The following PRKCA variants were observed in gnomAD, a reference collection of about 807,000 sequenced individuals.
The protein encoded by PRKCA is protein kinase C alpha.
A neutral mutation model predicts 87.0 loss-of-function variants in PRKCA; 27 were observed. That is an observed-to-expected ratio of 0.31 (90% CI 0.23 to 0.43). The LOEUF is 0.43. Ranked by LOEUF, PRKCA falls within the 20% of genes least tolerant of loss-of-function variation. The pLI is 1.00. For missense variants in PRKCA, 518 were observed against 852.3 expected (o/e 0.61, Z 4.88); for synonymous variants, 329 against 311.1 (o/e 1.06, Z -0.61).
At chr17:66,548,462 G>A (rs1467559353) in intron 3 of PRKCA, among the ~76,000 whole-genome samples, 1 of 152,120 alleles carries the variant, frequency 6.6e-6, no homozygotes, top group Non-Finnish European at 1.5e-5. Context: ...TAACAAATGA[G>A]GACTTAGCAA....
intron 2 of PRKCA, among the ~76,000 whole-genome samples, chr17:66,319,432 G>A (rs898287493): frequency 2.6e-5 from 4 of 152,090 alleles, no homozygotes; most frequent in African/African-American, 7.2e-5. Context: ...GTTTTATCTC[G>A]AAATTATGAA....
chr17:66,306,296 A>C (rs1055538818), intron 2 of PRKCA, 169 bp downstream of exon 2: 1 of 587,976 alleles, frequency 1.7e-6, no homozygotes, highest in East Asian at 3.0e-5. Flanking sequence ...GGGCCTACTA[A>C]TCTGCATATA....
intron 3 of PRKCA, among the ~76,000 whole-genome samples, chr17:66,524,527 T>C (rs9897534): frequency 0.65 from 98,385 of 152,126 alleles, 32,830 homozygotes; most frequent in African/African-American, 0.81. Flanking sequence ...AGTACTATCT[T>C]AGATGTGAGA....
At chr17:66,325,445 C>T (rs2143243124) in intron 2 of PRKCA, among the ~76,000 whole-genome samples, 1 of 152,220 alleles carries the variant, frequency 6.6e-6, no homozygotes, top group Admixed American at 6.5e-5. Flanking sequence ...ACTCTGTTGC[C>T]TCCCGCCCCA....
intron 16 of PRKCA, among the ~76,000 whole-genome samples, chr17:66,797,879 C>T (rs1598952363): frequency 2.0e-5 from 3 of 152,348 alleles, no homozygotes; most frequent in East Asian, 3.9e-4. Flanking sequence ...CGGCAAAAGG[C>T]GCGGGTGACC....
At chr17:66,669,704 C>T (rs1972125872) in intron 5 of PRKCA, among the ~76,000 whole-genome samples, 1 of 152,122 alleles carries the variant, frequency 6.6e-6, no homozygotes, top group South Asian at 2.1e-4. Context: ...AGTTCAAGAC[C>T]AGCCTGGGCA....
intron 3 of PRKCA, among the ~76,000 whole-genome samples, chr17:66,561,863 G>A (rs923216228): frequency 4.0e-5 from 6 of 151,742 alleles, no homozygotes; most frequent in African/African-American, 7.3e-5. Flanking sequence ...AGAAATCATG[G>A]CAAGTATAAT....
Position 66,613,779 on chromosome 17 carries a change from C to CTTTTTTT in PRKCA, c.289-27556_289-27550dup, listed in dbSNP as rs57610655. On this transcript the variant is annotated intron_variant, in intron 3 of 16. Coordinates refer to ENST00000413366, the MANE Select transcript of PRKCA (RefSeq NM_002737.3). ...CACCTTAATCCAGTATGACTTCATC[C>CTTTTTTT]TTTTTTTTTTTTTTTTTTTTTTTTT... 2.0e-4 allele frequency among the ~76,000 whole-genome samples: 14 copies of CTTTTTTT among 69,386 alleles called. 2 individuals carry two copies. The highest frequency in any genetic ancestry group is 6.1e-4 in the African/African-American group (10 of 16,292). 45.5% of individuals were successfully genotyped at this position (69,386 alleles called of 152,430 possible).
intron 2 of PRKCA, among the ~76,000 whole-genome samples, chr17:66,384,634 CT>C (rs1003762674): frequency 8.7e-4 from 127 of 146,256 alleles, no homozygotes; most frequent in African/African-American, 1.1e-3. Context: ...CCTTAAATGA[CT>C]TTTTTTTTTT....
chr17:66,655,947 G>T (rs909691518), intron 5 of PRKCA, among the ~76,000 whole-genome samples: 1 of 152,152 alleles, frequency 6.6e-6, no homozygotes, highest in African/African-American at 2.4e-5. Context: ...TTTACATTCC[G>T]ACTGTGGTAC....
intron 6 of PRKCA, among the ~76,000 whole-genome samples, 159 bp downstream of exon 6, chr17:66,687,426 C>T (rs1489682221): frequency 1.3e-5 from 2 of 152,106 alleles, no homozygotes; most frequent in East Asian, 3.9e-4. Context: ...GCTATTAGCA[C>T]CTGTTCGATA....
intron 7 of PRKCA, 48 bp from the exon 8 acceptor site, chr17:66,688,903 G>A (rs762040391): frequency 8.1e-7 from 1 of 1,231,306 alleles, no homozygotes; most frequent in Non-Finnish European, 1.2e-6. Context: ...CTGCAGGAAA[G>A]GCTTGTTAAA....
intron 2 of PRKCA, among the ~76,000 whole-genome samples, chr17:66,483,273 T>C (rs1420398352): frequency 2.0e-5 from 3 of 151,970 alleles, no homozygotes; most frequent in African/African-American, 7.3e-5. Context: ...GCAGGGTGGG[T>C]TCCCTCAGAG....
chr17:66,427,221 G>A (rs1160998035), intron 2 of PRKCA, among the ~76,000 whole-genome samples: 6 of 152,074 alleles, frequency 3.9e-5, no homozygotes, highest in Non-Finnish European at 7.4e-5. Context: ...TCGTAGAGAC[G>A]AGGTTTTGCC....
intron 2 of PRKCA, among the ~76,000 whole-genome samples, chr17:66,371,738 G>C (rs1366593877): frequency 6.6e-6 from 1 of 152,202 alleles, no homozygotes; most frequent in Non-Finnish European, 1.5e-5. Flanking sequence ...AGGCCACTAG[G>C]TGATACATTA....
chr17:66,473,182 C>G (rs1323108096), intron 2 of PRKCA, among the ~76,000 whole-genome samples: 2 of 152,136 alleles, frequency 1.3e-5, no homozygotes, highest in African/African-American at 4.8e-5. Flanking sequence ...CGGTAGCTCA[C>G]TCCTTTGACC....
chr17:66,785,845 T>C (rs1490890879), intron 14 of PRKCA, among the ~76,000 whole-genome samples: 1 of 152,258 alleles, frequency 6.6e-6, no homozygotes, highest in African/African-American at 2.4e-5. Flanking sequence ...GTTTTTGTTT[T>C]TGAGACGGAG....
At chr17:66,326,332 CCTGCCCT>C (rs1303908069) in intron 2 of PRKCA, among the ~76,000 whole-genome samples, 2 of 152,008 alleles carry the variant, frequency 1.3e-5, no homozygotes, top group Admixed American at 6.6e-5. Flanking sequence ...TGTTGTCTTC[CCTGCCCT>C]CTGCCCTCAC....
At chr17:66,643,754 A>T (rs1971374446) in intron 4 of PRKCA, among the ~76,000 whole-genome samples, 1 of 152,090 alleles carries the variant, frequency 6.6e-6, no homozygotes, top group African/African-American at 2.4e-5. Context: ...ACTGACCTTA[A>T]CTTCTGCAGA....
Sources: gnomAD v4.1 joint callset for allele counts (sites outside exome capture counted in the v4.1 genomes callset) on GRCh38, gnomAD v4.1.1 for gene constraint, MANE v1.5 for transcripts, NCBI Gene and HGNC (gene_info 2026-07-23, HGNC 2026-07-21) for gene names.